Variants in ANTXR1 observed in about 807,000 individuals in gnomAD.
The protein encoded by ANTXR1 is anthrax toxin receptor 1.
Under a neutral mutation model 78.1 loss-of-function variants are expected in ANTXR1, and 19 were observed. The ratio of observed to expected loss-of-function variants is 0.24; its 90% CI spans 0.17 to 0.36. ANTXR1 has a LOEUF of 0.36. Among genes scored for constraint, ANTXR1 ranks in the 10% least tolerant of loss-of-function variants. The pLI is 1.00. For missense variants in ANTXR1, 518 were observed against 718.6 expected, an observed-to-expected ratio of 0.72 and a Z score of 3.19; for synonymous variants, 273 against 260.5, an observed-to-expected ratio of 1.05 and a Z score of -0.46.
chr2:69,063,506 TA>T (rs929589557), intron 3 of ANTXR1, among the ~76,000 whole-genome samples: 10 of 151,514 alleles, frequency 6.6e-5, no homozygotes, highest in Middle Eastern at 3.4e-3. Flanking sequence ...TCTGCGCTAT[TA>T]AAAAAAATGC....
At chr2:69,072,844 C>T (rs1670609930) in intron 5 of ANTXR1, among the ~76,000 whole-genome samples, 178 bp from the exon 6 acceptor site, 1 of 152,244 alleles carries the variant, frequency 6.6e-6, no homozygotes. Context: ...TAAAGTCTGT[C>T]CCCATGGGGG....
chr2:69,068,992 G>A (rs928191174), intron 3 of ANTXR1, among the ~76,000 whole-genome samples: 2 of 152,182 alleles, frequency 1.3e-5, no homozygotes, highest in Non-Finnish European at 2.9e-5. Flanking sequence ...GGCTGGGCAT[G>A]TGGTCTGATA....
intron 17 of ANTXR1, among the ~76,000 whole-genome samples, chr2:69,223,808 A>C (rs531185113): frequency 6.6e-6 from 1 of 152,352 alleles, no homozygotes; most frequent in East Asian, 1.9e-4. Context: ...GCTTAAGGAA[A>C]TATGAATTGC....
chr2:69,045,818 T>C (rs1263123480), intron 3 of ANTXR1, among the ~76,000 whole-genome samples: 1 of 152,106 alleles, frequency 6.6e-6, no homozygotes, highest in East Asian at 1.9e-4. Context: ...ACTATATGCA[T>C]GCATTTCATT....
chr2:69,155,103 C>G (rs1673489361), intron 13 of ANTXR1, among the ~76,000 whole-genome samples: 1 of 152,210 alleles, frequency 6.6e-6, no homozygotes, highest in South Asian at 2.1e-4. Context: ...TGCACTTGGC[C>G]TTTCCCTAAG....
chr2:69,224,545 A>G (rs6751765), intron 17 of ANTXR1, among the ~76,000 whole-genome samples: 9,186 of 152,028 alleles, frequency 0.06, 905 homozygotes, highest in African/African-American at 0.2. Flanking sequence ...TCCAAGTTTC[A>G]GAACTTGGGC....
chr2:69,030,466 A>G (rs1671497588), intron 1 of ANTXR1, among the ~76,000 whole-genome samples: 1 of 152,266 alleles, frequency 6.6e-6, no homozygotes, highest in African/African-American at 2.4e-5. Context: ...ATATTGTTAA[A>G]AAACTAACAG....
At chr2:69,178,528 C>T in intron 14 of ANTXR1, among the ~76,000 whole-genome samples, 1 of 152,018 alleles carries the variant, frequency 6.6e-6, no homozygotes, top group East Asian at 1.9e-4. Context: ...GAGGGAGGAG[C>T]CAGGGACTAG....
intron 3 of ANTXR1, among the ~76,000 whole-genome samples, chr2:69,061,324 T>C (rs1670237129): frequency 6.6e-6 from 1 of 152,202 alleles, no homozygotes; most frequent in Non-Finnish European, 1.5e-5. Flanking sequence ...AGAGAAATTA[T>C]AGAGACATCT....
At chr2:69,081,645 T>C (rs1670905013) in intron 8 of ANTXR1, among the ~76,000 whole-genome samples, 1 of 152,232 alleles carries the variant, frequency 6.6e-6, no homozygotes. Flanking sequence ...CCTATTCCAA[T>C]GTTACAGATG....
intron 3 of ANTXR1, among the ~76,000 whole-genome samples, chr2:69,049,139 C>T (rs753028172): frequency 1.2e-4 from 18 of 152,016 alleles, no homozygotes; most frequent in Non-Finnish European, 2.2e-4. Context: ...TGGGCTTCTA[C>T]TGAACTCCAT....
chr2:69,236,461 T>C (rs1290266926), intron 17 of ANTXR1, among the ~76,000 whole-genome samples: 1 of 152,164 alleles, frequency 6.6e-6, no homozygotes, highest in African/African-American at 2.4e-5. Context: ...GATAGTCAAA[T>C]TGGCAAAAAT....
chr2:69,140,298 T>C (rs963294632), intron 12 of ANTXR1, among the ~76,000 whole-genome samples: 4 of 152,232 alleles, frequency 2.6e-5, no homozygotes, highest in Non-Finnish European at 5.9e-5. Flanking sequence ...CATAAAGTAA[T>C]AAGATTTATA....
intron 3 of ANTXR1, among the ~76,000 whole-genome samples, chr2:69,056,938 C>CA (rs1411710871): frequency 6.6e-6 from 1 of 152,124 alleles, no homozygotes. Flanking sequence ...CTAGGCCTCC[C>CA]AAAGTGCTGG....
intron 11 of ANTXR1, among the ~76,000 whole-genome samples, 190 bp from the exon 12 acceptor site, chr2:69,124,375 G>A (rs546832061): frequency 2.0e-5 from 3 of 152,284 alleles, no homozygotes; most frequent in South Asian, 2.1e-4. Flanking sequence ...CTTTAAAGGA[G>A]GATGGGCTAT....
At chr2:69,134,324 T>G (rs940290098) in intron 12 of ANTXR1, among the ~76,000 whole-genome samples, 1 of 152,324 alleles carries the variant, frequency 6.6e-6, no homozygotes, top group African/African-American at 2.4e-5. Flanking sequence ...CTGAAACACA[T>G]GCAGCTATAC....
intron 1 of ANTXR1, among the ~76,000 whole-genome samples, chr2:69,032,516 G>C (rs1671558624): frequency 6.6e-6 from 1 of 152,062 alleles, no homozygotes; most frequent in Non-Finnish European, 1.5e-5. Flanking sequence ...CGACGATGTT[G>C]ACCCATCCCC....
chr2:69,161,863 A>AG (rs1427994495), intron 13 of ANTXR1, among the ~76,000 whole-genome samples: 2 of 152,136 alleles, frequency 1.3e-5, no homozygotes, highest in South Asian at 2.1e-4. Flanking sequence ...TTAAAAGGCC[A>AG]GGGGGGCAGC....
intron 1 of ANTXR1, among the ~76,000 whole-genome samples, chr2:69,014,434 C>T (rs769154944): frequency 6.6e-6 from 1 of 152,162 alleles, no homozygotes; most frequent in African/African-American, 2.4e-5. Flanking sequence ...AGCTCTTGGC[C>T]ATTTGACTGG....
Sources: allele counts gnomAD v4.1 joint callset (sites outside exome capture counted in the v4.1 genomes callset), GRCh38; gene constraint gnomAD v4.1.1; transcripts MANE v1.5; gene names NCBI Gene and HGNC (gene_info 2026-07-23, HGNC 2026-07-21).